SDK1: variants seen among roughly 807,000 people sequenced by gnomAD.
SDK1 encodes the protein sidekick cell adhesion molecule 1.
A neutral mutation model predicts 245.5 loss-of-function variants in SDK1; 157 were observed. That is an observed-to-expected ratio of 0.64 (90% CI 0.56 to 0.73). The LOEUF is 0.73. Among genes scored for constraint, SDK1 ranks in the 30% least tolerant of loss-of-function variants. SDK1 has a pLI of 0.00. For synonymous variants in SDK1, 1,647 were observed against 1,278.5 expected, an observed-to-expected ratio of 1.29 and a Z score of -6.15; for missense variants, 3,583 against 3,002.3, an observed-to-expected ratio of 1.19 and a Z score of -4.52.
At chr7:4,088,531 C>G (rs1043699478) in intron 22 of SDK1, among the ~76,000 whole-genome samples, 1 of 150,510 alleles carries the variant, frequency 6.6e-6, no homozygotes, top group African/African-American at 2.4e-5. Flanking sequence ...TGATTCTTTT[C>G]TGATCCTGAT....
At chr7:4,242,219 C>T (rs1359094175) in intron 43 of SDK1, among the ~76,000 whole-genome samples, 1 of 152,202 alleles carries the variant, frequency 6.6e-6, no homozygotes, top group Non-Finnish European at 1.5e-5. Flanking sequence ...CAATCGCATG[C>T]ACCTTGGATC....
chr7:3,618,546 A>C (rs1781839147), intron 1 of SDK1, among the ~76,000 whole-genome samples: 1 of 152,194 alleles, frequency 6.6e-6, no homozygotes. Context: ...ATATACCATG[A>C]GTTTCCTGTG....
intron 1 of SDK1, among the ~76,000 whole-genome samples, chr7:3,502,791 C>T (rs1010846520): frequency 2.6e-5 from 4 of 152,116 alleles, no homozygotes; most frequent in Admixed American, 6.5e-5. Flanking sequence ...ATTTCTTACA[C>T]GTGAGAGGGC....
At chr7:3,448,932 C>A (rs1489195363) in intron 1 of SDK1, among the ~76,000 whole-genome samples, 1 of 152,206 alleles carries the variant, frequency 6.6e-6, no homozygotes, top group East Asian at 1.9e-4. Flanking sequence ...AGGATTATTC[C>A]TGCGAACAAA....
At chr7:4,215,313 A>C (rs964324293) in intron 38 of SDK1, among the ~76,000 whole-genome samples, 2 of 152,198 alleles carry the variant, frequency 1.3e-5, no homozygotes, top group African/African-American at 4.8e-5. Context: ...GGAGGGGCCT[A>C]TCTCTCCCTT....
In SDK1 at chr7:4,049,418, C is replaced by G. The variant is rs1364874216; in HGVS notation, c.2673C>G (p.Asn891Lys). The change falls in exon 18 of 45, where the codon AAC (asparagine) becomes AAG (lysine). Residue 891 changes from asparagine to lysine, a missense_variant. Transcript: ENST00000404826. ...VNSTTIQFLW[N>K]PPPQQFINGI... ...CCACCACCATTCAGTTCCTGTGGAA[C>G]CCTCCGCCTCAGCAGTTTATCAATG... is the stretch of plus-strand genomic sequence containing the variant. The G allele has an allele frequency of 6.2e-7, 1 of 1,614,066 alleles. No homozygotes were observed. The highest frequency in any genetic ancestry group is 8.5e-7 in the Non-Finnish European group (1 of 1,180,034).
At position 3,785,075 on chromosome 7, in the gene SDK1, C is replaced by T. The variant is rs542955810; in HGVS notation, c.714-36375C>T. Reference sequence around the variant, plus strand: ...CAGCAGCATGGATGGAATCAGAGAGCGTTATCCTCAGTGAAAGAAGCCAGG... The same window carrying T: ...CAGCAGCATGGATGGAATCAGAGAGTGTTATCCTCAGTGAAAGAAGCCAGG... On this transcript the variant is annotated intron_variant, in intron 4 of 44. Transcript: ENST00000404826. Among the ~76,000 whole-genome samples the T allele has an allele frequency of 2.6e-5, 4 of 152,242 alleles. No homozygotes were observed. The East Asian group carries it at 5.8e-4, about 22-fold the overall frequency.
At chr7:3,968,834 C>G (rs1326408743) in intron 10 of SDK1, among the ~76,000 whole-genome samples, 1 of 152,198 alleles carries the variant, frequency 6.6e-6, no homozygotes, top group African/African-American at 2.4e-5. Context: ...AGTCCACTCT[C>G]ACACTGATAT....
chr7:3,419,682 C>G (rs1779484122), intron 1 of SDK1, among the ~76,000 whole-genome samples: 1 of 152,188 alleles, frequency 6.6e-6, no homozygotes, highest in Non-Finnish European at 1.5e-5. Flanking sequence ...GTTCTGACAA[C>G]TGAATTACAT....
At chr7:4,149,521 G>A (rs945376774) in intron 30 of SDK1, 58 bp downstream of exon 30, 16 of 1,245,976 alleles carry the variant, frequency 1.3e-5, no homozygotes, top group Middle Eastern at 2.2e-4. Flanking sequence ...CCTCCAGCCA[G>A]CTCCTGTCCA....
intron 1 of SDK1, among the ~76,000 whole-genome samples, chr7:3,492,420 C>G (rs990383648): frequency 5.9e-5 from 9 of 152,248 alleles, no homozygotes; most frequent in African/African-American, 2.2e-4. Flanking sequence ...CGTGAACCGG[C>G]AAGGTGGAGC....
At chr7:4,175,629 G>A (rs913109548) in intron 33 of SDK1, 146 bp from the exon 34 acceptor site, 15 of 726,904 alleles carry the variant, frequency 2.1e-5, no homozygotes, top group Middle Eastern at 2.3e-4. Context: ...GGGCGGTAGC[G>A]GGGTCTTTAT....
At chr7:4,010,758 C>T (rs754978516) in intron 14 of SDK1, among the ~76,000 whole-genome samples, 4 of 152,106 alleles carry the variant, frequency 2.6e-5, no homozygotes, top group Non-Finnish European at 4.4e-5. Context: ...ATGGCGGCAC[C>T]GGGGAAGTTG....
chr7:4,021,210 A>T (rs1177133003), intron 17 of SDK1, among the ~76,000 whole-genome samples: 2 of 152,148 alleles, frequency 1.3e-5, no homozygotes, highest in Admixed American at 1.3e-4. Context: ...ACTGTCATTC[A>T]TGAAATAAGA....
At chr7:3,430,537 C>G (rs952942284) in intron 1 of SDK1, among the ~76,000 whole-genome samples, 10 of 152,164 alleles carry the variant, frequency 6.6e-5, no homozygotes, top group African/African-American at 2.4e-4. Flanking sequence ...CAGCTTCATT[C>G]CTCTCTTTCT....
At chr7:3,824,824 C>T (rs1308061689) in intron 5 of SDK1, among the ~76,000 whole-genome samples, 1 of 152,086 alleles carries the variant, frequency 6.6e-6, no homozygotes, top group Non-Finnish European at 1.5e-5. Context: ...GATGCAGTCC[C>T]ATAATGGTAC....
At chr7:4,105,047 A>G (rs1380673587) in intron 22 of SDK1, among the ~76,000 whole-genome samples, 6 of 152,044 alleles carry the variant, frequency 3.9e-5, no homozygotes, top group South Asian at 2.1e-4. Flanking sequence ...GAGAGGCACA[A>G]TCTCAGCTCA....
chr7:3,939,063 T>C (rs1008950166), intron 5 of SDK1, among the ~76,000 whole-genome samples: 5 of 152,190 alleles, frequency 3.3e-5, no homozygotes, highest in African/African-American at 9.7e-5. Context: ...AAAGAGAGAA[T>C]TGGAAATGGG....
At chr7:4,199,325 C>G (rs1003465732) in intron 35 of SDK1, among the ~76,000 whole-genome samples, 3 of 152,286 alleles carry the variant, frequency 2.0e-5, no homozygotes, top group East Asian at 3.9e-4. Context: ...AGTCCGCAAG[C>G]CGCAGAGCCG....
Sources: allele counts gnomAD v4.1 joint callset (sites outside exome capture counted in the v4.1 genomes callset), GRCh38; gene constraint gnomAD v4.1.1; transcripts MANE v1.5; gene names NCBI Gene and HGNC (gene_info 2026-07-23, HGNC 2026-07-21).